The following FOCAD variants were observed in gnomAD, a reference collection of about 807,000 sequenced individuals.
FOCAD encodes the protein KIAA1797.
FOCAD carries 198 observed loss-of-function variants against 225.6 expected under a neutral mutation model. The observed-to-expected ratio is 0.88, with a 90% CI of 0.78 to 0.99. FOCAD has a LOEUF of 0.99. Among genes scored for constraint, FOCAD ranks in the 50% least tolerant of loss-of-function variants. The pLI is 0.00. For synonymous variants in FOCAD, 897 were observed against 755.0 expected (o/e 1.19, Z -3.08); for missense variants, 2,713 against 2,123.6 (o/e 1.28, Z -5.46).
chr9:20,656,414 G>C (rs550104701), upstream of FOCAD, among the ~76,000 whole-genome samples: 8 of 152,198 alleles, frequency 5.3e-5, no homozygotes, highest in African/African-American at 1.9e-4. Flanking sequence ...GGGAGTCTAA[G>C]TCTCTTTGTA....
chr9:20,747,685 C>G (rs1032916073), intron 5 of FOCAD, among the ~76,000 whole-genome samples: 1 of 152,080 alleles, frequency 6.6e-6, no homozygotes, highest in African/African-American at 2.4e-5. Flanking sequence ...TGGCTTCTTT[C>G]ACTTAGCATA....
intron 5 of FOCAD, among the ~76,000 whole-genome samples, chr9:20,755,061 A>ATGTT (rs1452694106): frequency 6.6e-6 from 1 of 152,196 alleles, no homozygotes; most frequent in Non-Finnish European, 1.5e-5. Context: ...TTGAAATGGT[A>ATGTT]TGTTAGTAAT....
chr9:20,678,637 G>A (rs1822307221), intron 2 of FOCAD, among the ~76,000 whole-genome samples: 2 of 152,176 alleles, frequency 1.3e-5, no homozygotes, highest in South Asian at 4.1e-4. Flanking sequence ...CTTGCTTCAG[G>A]AGATCAAGAG....
chr9:20,782,202 A>G (rs941036218), intron 10 of FOCAD, among the ~76,000 whole-genome samples: 21 of 152,228 alleles, frequency 1.4e-4, no homozygotes, highest in Admixed American at 1.0e-3. Context: ...GTTCTTCAGA[A>G]AAGGAACTAA....
At chr9:20,956,389 G>A (rs1018589274) in intron 35 of FOCAD, among the ~76,000 whole-genome samples, 1 of 152,146 alleles carries the variant, frequency 6.6e-6, no homozygotes, top group Non-Finnish European at 1.5e-5. Context: ...CAGTATATCT[G>A]TATAATACTA....
At chr9:20,659,894 G>C (rs1320953580) in intron 2 of FOCAD, among the ~76,000 whole-genome samples, 1 of 152,232 alleles carries the variant, frequency 6.6e-6, no homozygotes, top group Non-Finnish European at 1.5e-5. Context: ...GGTGCAATGA[G>C]ATATGAGAGA....
chr9:20,778,872 C>T, intron 9 of FOCAD, 104 bp downstream of exon 9: 1 of 543,466 alleles, frequency 1.8e-6, no homozygotes, highest in Non-Finnish European at 3.1e-6. Context: ...TTTGAGTTTC[C>T]ATCTGTAATT....
intron 7 of FOCAD, among the ~76,000 whole-genome samples, chr9:20,768,468 G>C (rs556770065): frequency 0.01 from 1,548 of 151,830 alleles, 25 homozygotes; most frequent in African/African-American, 0.036. Context: ...AGCATGGAAT[G>C]TTCTTCCATT....
chr9:20,958,739 T>C (rs1455879226), intron 35 of FOCAD, among the ~76,000 whole-genome samples: 1 of 152,160 alleles, frequency 6.6e-6, no homozygotes, highest in South Asian at 2.1e-4. Context: ...TTTTTACTTC[T>C]GAGAGATCAA....
intron 15 of FOCAD, among the ~76,000 whole-genome samples, chr9:20,846,896 G>A (rs1827170868): frequency 6.6e-6 from 1 of 152,034 alleles, no homozygotes; most frequent in South Asian, 2.1e-4. Flanking sequence ...CATCTTCACA[G>A]TAACTTTGTA....
intron 21 of FOCAD, among the ~76,000 whole-genome samples, chr9:20,887,202 T>C (rs964960918): frequency 7.9e-5 from 12 of 152,116 alleles, no homozygotes; most frequent in African/African-American, 2.9e-4. Flanking sequence ...GAGTCTTTTT[T>C]ATTTCCAAGT....
At chr9:20,739,668 T>G (rs139290309) in intron 4 of FOCAD, among the ~76,000 whole-genome samples, 8 of 152,292 alleles carry the variant, frequency 5.3e-5, no homozygotes, top group South Asian at 2.1e-4. Context: ...TAAGATTTTC[T>G]TTATATTTTC....
intron 5 of FOCAD, among the ~76,000 whole-genome samples, chr9:20,744,713 G>C (rs1166045385): frequency 2.6e-5 from 4 of 152,150 alleles, no homozygotes; most frequent in African/African-American, 9.7e-5. Flanking sequence ...GCAGGTAAGG[G>C]TGGAGAACTG....
At chr9:20,943,810 T>C (rs1298490412) in intron 28 of FOCAD, among the ~76,000 whole-genome samples, 1 of 152,184 alleles carries the variant, frequency 6.6e-6, no homozygotes, top group Admixed American at 6.5e-5. Context: ...TAAAAAACAA[T>C]GACAAAAGCT....
At chr9:20,728,487 G>A (rs1826399562) in intron 4 of FOCAD, among the ~76,000 whole-genome samples, 1 of 152,204 alleles carries the variant, frequency 6.6e-6, no homozygotes, top group African/African-American at 2.4e-5. Flanking sequence ...TGTCACATCA[G>A]TGCTCACAAA....
chr9:20,912,685 T>C (rs193200254), intron 22 of FOCAD, among the ~76,000 whole-genome samples, 181 bp from the exon 23 acceptor site: 120 of 152,284 alleles, frequency 7.9e-4, no homozygotes, highest in Non-Finnish European at 1.4e-3. Flanking sequence ...CTTTGGTGAA[T>C]GTAGAAATAC....
At chr9:20,712,463 T>C (rs1435781313) in intron 1 of FOCAD, among the ~76,000 whole-genome samples, 1 of 151,896 alleles carries the variant, frequency 6.6e-6, no homozygotes, top group Non-Finnish European at 1.5e-5. Context: ...AGTTCGAGAC[T>C]AGCCTGGCCA....
At chr9:20,908,593 C>T (rs937429119) in intron 22 of FOCAD, among the ~76,000 whole-genome samples, 1 of 152,006 alleles carries the variant, frequency 6.6e-6, no homozygotes, top group Admixed American at 6.6e-5. Flanking sequence ...TAAAGATGTT[C>T]CTTTGGAACC....
In FOCAD at chr9:20,720,284, CTGTG is replaced by C. The variant is rs1825669142; in HGVS notation, c.133-95_133-92del. 6 of 1,214,606 alleles carry C rather than the reference CTGTG, an allele frequency of 4.9e-6. No individual in the cohort carries two copies. In the East Asian group the frequency reaches 1.4e-4, roughly 29 times the overall value. The allele number at this position is 1,214,606 out of a possible 1,614,324, so 75.2% of individuals were successfully genotyped here. Reference sequence around the variant, plus strand: ...ATCTTTATAAAGGAAAGCTAGCCTACTGTGAACAAATTACTCATTGATGAATGAC... The same window carrying C: ...ATCTTTATAAAGGAAAGCTAGCCTACAACAAATTACTCATTGATGAATGAC... On this transcript the variant is annotated intron_variant, in intron 3 of 43. Coordinates refer to ENST00000338382, the MANE Select transcript of FOCAD (RefSeq NM_001375567.1).
Sources: gnomAD v4.1 joint callset for allele counts (sites outside exome capture counted in the v4.1 genomes callset) on GRCh38, gnomAD v4.1.1 for gene constraint, MANE v1.5 for transcripts, NCBI Gene and HGNC (gene_info 2026-07-23, HGNC 2026-07-21) for gene names.